The following LMTK2 variants were observed in gnomAD, a reference collection of about 807,000 sequenced individuals.
LMTK2 encodes serine/threonine-protein kinase LMTK2.
In LMTK2, 37 loss-of-function variants were observed where a neutral mutation model predicts 127.5. The ratio of observed to expected loss-of-function variants is 0.29; its 90% CI spans 0.22 to 0.38. The LOEUF is 0.38. LMTK2 is among the 10% of genes least tolerant of loss of function. The probability of loss-of-function intolerance (pLI) is 1.00; values close to 1 mark genes in which losing one functional copy is unlikely to be tolerated. For synonymous variants in LMTK2, 819 were observed against 810.1 expected, an observed-to-expected ratio of 1.01 and a Z score of -0.19; for missense variants, 1,694 against 1,920.3, an observed-to-expected ratio of 0.88 and a Z score of 2.20.
At position 98,194,487 on chromosome 7, in the gene LMTK2, C is replaced by G. The variant is rs56343792; in HGVS notation, c.4022C>G (p.Ala1341Gly). The G allele has an allele frequency of 3.7e-3, 5,998 of 1,613,744 alleles. 42 individuals carry two copies. Among genetic ancestry groups the G allele is most frequent in the Non-Finnish European group, 3.1e-3 (3,602 of 1,180,036 alleles). The change falls in exon 11 of 14, where the codon GCC (alanine) becomes GGC (glycine). Residue 1341 changes from alanine (A) to glycine (G), a missense_variant. Around this residue, in one of 8 missense-constraint regions of LMTK2, gnomAD observed 554 missense variants for 567.7 expected, o/e 0.98. Transcript: ENST00000297293. The surrounding 1 kb of genome is among the most constrained non-coding windows in gnomAD (Gnocchi z 5.4). ...CTGTTGAAGCCCACAGCGGCCAATG[C>G]CCCCGACCCACTGCCCGAGGACTGG... The part of the protein sequence containing the change: ...RSLLKPTAAN[A>G]PDPLPEDWKK...
chr7:98,107,888 G>A (rs1408169180), intron 1 of LMTK2, among the ~76,000 whole-genome samples: 1 of 152,122 alleles, frequency 6.6e-6, no homozygotes, highest in Non-Finnish European at 1.5e-5. Context: ...GCTTAAGGGT[G>A]ATGGAAGTTT....
intron 1 of LMTK2, among the ~76,000 whole-genome samples, chr7:98,128,473 A>T (rs1261122689): frequency 6.6e-6 from 1 of 152,248 alleles, no homozygotes. Flanking sequence ...GTCCTCTAGG[A>T]CTGTGAGAAA....
intron 1 of LMTK2, among the ~76,000 whole-genome samples, chr7:98,112,084 A>C (rs1225321629): frequency 6.6e-6 from 1 of 152,236 alleles, no homozygotes; most frequent in Non-Finnish European, 1.5e-5. Context: ...ACAATTGTGT[A>C]TTGTCATGAG....
chr7:98,204,335 T>G, intron 13 of LMTK2, 149 bp downstream of exon 13: 1 of 1,054,002 alleles, frequency 9.5e-7, no homozygotes, highest in Non-Finnish European at 1.3e-6. Flanking sequence ...AAAACTCCCA[T>G]CATCAGCTGG....
chr7:98,140,873 C>T (rs1238879903), intron 2 of LMTK2, among the ~76,000 whole-genome samples: 1 of 146,436 alleles, frequency 6.8e-6, no homozygotes, highest in Non-Finnish European at 1.5e-5. Context: ...CATAGGGAGA[C>T]TCTGCCTCTA....
In LMTK2 at chr7:98,169,816, A is replaced by G. The variant is rs557606752; in HGVS notation, c.658-1725A>G. 2.6e-5 allele frequency among the ~76,000 whole-genome samples: 4 copies of G among 152,318 alleles called. No homozygotes were observed. The South Asian group carries it at 8.3e-4, about 32-fold the overall frequency. On this transcript the variant is annotated intron_variant, in intron 6 of 13. Transcript: ENST00000297293. ...CATATGTTTTTACAAGAAAAAAAAA[A>G]AAGTTTTCTCTTTCTCCTCTGGAGT... is the stretch of plus-strand genomic sequence containing the variant.
intron 2 of LMTK2, 72 bp downstream of exon 2, chr7:98,137,514 A>C: frequency 2.8e-6 from 4 of 1,440,992 alleles, no homozygotes; most frequent in Non-Finnish European, 3.8e-6. Context: ...TGGATAGCAC[A>C]GTCCTTTGGG....
Position 98,194,473 on chromosome 7 carries a change from C to T in LMTK2, c.4008C>T (p.Pro1336=). 1 of 1,614,012 alleles carries T rather than the reference C, an allele frequency of 6.2e-7. No homozygotes were observed. Among genetic ancestry groups the T allele is most frequent in the Non-Finnish European group, 8.5e-7 (1 of 1,180,034 alleles). The change falls in exon 11 of 14, where the codon CCC becomes CCT. Residue 1336 remains proline, a synonymous_variant. Transcript: ENST00000297293. This position sits in a 1 kb window ranked among gnomAD's most constrained non-coding sequence, Gnocchi z 5.4. ...GGCACCTGCGGAGTCTGTTGAAGCC[C>T]ACAGCGGCCAATGCCCCCGACCCAC... ...DGRHLRSLLK[P]TAANAPDPLP...
chr7:98,194,579 G>C lies in LMTK2; in HGVS notation c.4107+7G>C. ...AGTCTACCTGTTTGACCAGGTATCT[G>C]TTCCCTCTAAATCATTTTCTATACA... On this transcript the variant is annotated splice_region_variant and intron_variant, in intron 11 of 13. Transcript: ENST00000297293. The surrounding 1 kb of genome is among the most constrained non-coding windows in gnomAD (Gnocchi z 5.4). 1 of 1,594,126 alleles carries C rather than the reference G, an allele frequency of 6.3e-7. No homozygotes were observed. The highest frequency in any genetic ancestry group is 8.5e-7 in the Non-Finnish European group (1 of 1,174,946).
intron 7 of LMTK2, among the ~76,000 whole-genome samples, chr7:98,173,641 T>G (rs1477860235): frequency 1.3e-5 from 2 of 152,240 alleles, no homozygotes; most frequent in Admixed American, 1.3e-4. Context: ...AAATAGTATT[T>G]TCCTGTGAGT....
chr7:98,193,203 G>C lies in LMTK2; in HGVS notation c.2738G>C (p.Ser913Thr), dbSNP rs1797561812. The C allele has an allele frequency of 6.2e-7, 1 of 1,613,644 alleles. No individual in the cohort carries two copies. The highest frequency in any genetic ancestry group is 8.5e-7 in the Non-Finnish European group (1 of 1,180,012). The change falls in exon 11 of 14, where the codon AGT (serine) becomes ACT (threonine). Residue 913 changes from serine (S) to threonine (T), a missense_variant. By Grantham distance (58) the Ser-to-Thr change is moderately conservative (BLOSUM62 1). Around this residue, in one of 8 missense-constraint regions of LMTK2, gnomAD observed 527 missense variants for 539.8 expected, o/e 0.98. Coordinates refer to ENST00000297293, the MANE Select transcript of LMTK2 (RefSeq NM_014916.4). The surrounding 1 kb of genome is among the most constrained non-coding windows in gnomAD (Gnocchi z 4.1). ...GATGACATCCTTGCCAGCAGGGTGA[G>C]TGTAGGGAGTAGTCTCCCGGAACTG... ...LADDILASRVSVGSSLPELGQ... is the reference protein window; with the variant it reads ...LADDILASRVTVGSSLPELGQ...
At chr7:98,204,297 G>A (rs1797756328) in intron 13 of LMTK2, 111 bp downstream of exon 13, 2 of 1,387,200 alleles carry the variant, frequency 1.4e-6, no homozygotes, top group Admixed American at 4.1e-5. Flanking sequence ...CTTCACATTT[G>A]CTGAGTAGAT....
chr7:98,178,051 A>C (rs1248671508), intron 7 of LMTK2, among the ~76,000 whole-genome samples: 1 of 152,212 alleles, frequency 6.6e-6, no homozygotes, highest in Non-Finnish European at 1.5e-5. Flanking sequence ...CAGCTTTACC[A>C]GTATAAGCCT....
At chr7:98,109,785 A>G (rs1176518640) in intron 1 of LMTK2, among the ~76,000 whole-genome samples, 4 of 151,722 alleles carry the variant, frequency 2.6e-5, no homozygotes, top group Non-Finnish European at 4.4e-5. Context: ...GCACAATCAG[A>G]CATAGATATT....
intron 1 of LMTK2, among the ~76,000 whole-genome samples, chr7:98,113,038 T>A (rs1419794617): frequency 6.6e-6 from 1 of 152,116 alleles, no homozygotes; most frequent in Non-Finnish European, 1.5e-5. Context: ...TACAGGTGTG[T>A]GCCACCATGC....
intron 1 of LMTK2, among the ~76,000 whole-genome samples, chr7:98,136,413 T>C (rs1486120709): frequency 6.6e-6 from 1 of 152,218 alleles, no homozygotes; most frequent in African/African-American, 2.4e-5. Context: ...AAAACTGGTG[T>C]GCAAGACCTG....
At chr7:98,133,228 C>T (rs1178538883) in intron 1 of LMTK2, among the ~76,000 whole-genome samples, 1 of 152,142 alleles carries the variant, frequency 6.6e-6, no homozygotes, top group African/African-American at 2.4e-5. Context: ...GATGCCTGTT[C>T]TTGATGTTGT....
chr7:98,150,824 C>T (rs887335874), intron 3 of LMTK2, among the ~76,000 whole-genome samples: 10 of 152,082 alleles, frequency 6.6e-5, no homozygotes, highest in African/African-American at 1.9e-4. Context: ...GCAGACAGCA[C>T]GTGAATGGTT....
intron 1 of LMTK2, among the ~76,000 whole-genome samples, chr7:98,109,794 T>C (rs1796173738): frequency 6.7e-6 from 1 of 150,264 alleles, no homozygotes; most frequent in Non-Finnish European, 1.5e-5. Flanking sequence ...GACATAGATA[T>C]TCAGGGGCTT....
Sources: gnomAD v4.1 joint callset for allele counts (sites outside exome capture counted in the v4.1 genomes callset) on GRCh38, gnomAD v4.1.1 for gene constraint, gnomAD v4.1.1 regional missense constraint, Gnocchi (gnomAD v3.1) non-coding constraint, MANE v1.5 for transcripts, NCBI Gene and HGNC (gene_info 2026-07-23, HGNC 2026-07-21) for gene names.